The following DOP1B variants were observed in gnomAD, a reference collection of about 807,000 sequenced individuals.
DOP1B encodes the protein DOP1 leucine zipper like protein B, also known as protein DOP1B.
A neutral mutation model predicts 233.5 loss-of-function variants in DOP1B; 174 were observed. That is an observed-to-expected ratio of 0.75 (90% CI 0.66 to 0.85). The LOEUF (loss-of-function observed/expected upper bound fraction) is 0.85, where lower values mean the gene tolerates loss of function less well. DOP1B is among the 40% of genes least tolerant of loss of function. DOP1B has a pLI of 0.00. For missense variants in DOP1B, 2,652 were observed against 2,846.6 expected (o/e 0.93, Z 1.56); for synonymous variants, 1,190 against 1,185.6 (o/e 1.00, Z -0.08).
chr21:36,256,594 CAA>C (rs1601454911), intron 23 of DOP1B, among the ~76,000 whole-genome samples: 6 of 152,170 alleles, frequency 3.9e-5, no homozygotes, highest in Admixed American at 3.3e-4. Flanking sequence ...GTGCGGATAA[CAA>C]AGTGAGATCT....
rs778655145 is a variant in DOP1B, at chr21:36,246,591, G to A, written c.4611G>A (p.Thr1537=). The A allele has an allele frequency of 3.1e-6, 5 of 1,614,118 alleles. No individual in the cohort carries two copies. Among genetic ancestry groups the A allele is most frequent in the Middle Eastern group, 1.6e-4 (1 of 6,062 alleles). ...ACTTCGGAAAGTCCCTGGGCTGGAC[G>A]GTGACACCCTTTGTTGTCCAGATTT... ...LPYFGKSLGW[T]VTPFVVQICK... Residue 1537 remains threonine (T), a synonymous_variant, in exon 19 of 37, where the codon ACG becomes ACA. Transcript: ENST00000691173. This position sits in a 1 kb window ranked among gnomAD's most constrained non-coding sequence, Gnocchi z 5.1.
At chr21:36,251,092 G>C (rs2067027251) in intron 21 of DOP1B, 70 bp from the exon 22 acceptor site, 1 of 1,547,910 alleles carries the variant, frequency 6.5e-7, no homozygotes. Flanking sequence ...GACAGCAGTG[G>C]TGGTTCAATG....
chr21:36,235,863 C>CG (rs368106815), intron 15 of DOP1B, among the ~76,000 whole-genome samples: 12,070 of 112,690 alleles, frequency 0.11, 676 homozygotes, highest in Non-Finnish European at 0.12. Context: ...GCAAGGAAGT[C>CG]GGGGGGGGGG....
At chr21:36,248,243 C>T in intron 20 of DOP1B, 137 bp from the exon 21 acceptor site, 1 of 800,492 alleles carries the variant, frequency 1.2e-6, no homozygotes, top group Non-Finnish European at 2.0e-6. Flanking sequence ...CTTATTGCTC[C>T]CAGACCACCA....
intron 22 of DOP1B, 63 bp downstream of exon 22, chr21:36,251,347 A>T (rs2067031201): frequency 6.4e-7 from 1 of 1,553,850 alleles, no homozygotes; most frequent in Admixed American, 2.0e-5. Flanking sequence ...CCACAGAATC[A>T]TGTGGAATCA....
At chr21:36,172,543 A>C (rs1210847693) in intron 2 of DOP1B, among the ~76,000 whole-genome samples, 1 of 151,868 alleles carries the variant, frequency 6.6e-6, no homozygotes, top group East Asian at 2.0e-4. Context: ...CAGAAGGATC[A>C]CTTGAGCCCA....
rs761967672 is a variant in DOP1B, at chr21:36,263,614, T to C, written c.5384T>C (p.Leu1795Ser). The C allele has an allele frequency of 1.2e-6, 2 of 1,614,210 alleles. No individual in the cohort carries two copies. Among genetic ancestry groups the C allele is most frequent in the Non-Finnish European group, 8.5e-7 (1 of 1,180,042 alleles). Residue 1795 changes from leucine (L) to serine (S), a missense_variant, in exon 25 of 37, where the codon TTG becomes TCG. Coordinates refer to ENST00000691173, the MANE Select transcript of DOP1B (RefSeq NM_001320714.2). ...GGAGTATTGAAAGAGTCTGTACAGT[T>C]GAATCTAGCCCCACCTGGGTATTTT... ...LLGVLKESVQ[L>S]NLAPPGYFLL...
At chr21:36,169,633 G>T in intron 2 of DOP1B, 1 of 921,524 alleles carries the variant, frequency 1.1e-6, no homozygotes, top group Non-Finnish European at 1.8e-6. Flanking sequence ...CGTTCACTTG[G>T]ATCTCCATCA....
intron 2 of DOP1B, among the ~76,000 whole-genome samples, chr21:36,175,399 C>G (rs1245131076): frequency 6.6e-6 from 1 of 152,072 alleles, no homozygotes; most frequent in African/African-American, 2.4e-5. Context: ...GCGTGAGCCA[C>G]CACGCCTGGC....
At chr21:36,207,052 A>G (rs1601411168) in intron 4 of DOP1B, among the ~76,000 whole-genome samples, 3 of 152,326 alleles carry the variant, frequency 2.0e-5, no homozygotes, top group Admixed American at 2.0e-4. Flanking sequence ...TCGAGTGCCA[A>G]CCTGGAGTCA....
intron 2 of DOP1B, among the ~76,000 whole-genome samples, chr21:36,193,791 C>A (rs1269773450): frequency 6.6e-6 from 1 of 152,160 alleles, no homozygotes; most frequent in Non-Finnish European, 1.5e-5. Context: ...CTGATCCAAG[C>A]AACTGGTTCT....
At chr21:36,242,884 A>G (rs1469727562) in intron 18 of DOP1B, among the ~76,000 whole-genome samples, 1 of 152,002 alleles carries the variant, frequency 6.6e-6, no homozygotes, top group Non-Finnish European at 1.5e-5. Context: ...ATCTTGCTTA[A>G]TGTCCATGGC....
At chr21:36,173,381 CAGCATCATTTTT>C (rs2065990733) in intron 2 of DOP1B, among the ~76,000 whole-genome samples, 1 of 151,550 alleles carries the variant, frequency 6.6e-6, no homozygotes, top group South Asian at 2.1e-4. Flanking sequence ...CTCAATGTTT[CAGCATCATTTTT>C]AGAATTTTTC....
chr21:36,238,666 C>T lies in DOP1B; in HGVS notation c.2841C>T (p.Gly947=). The T allele has an allele frequency of 6.2e-7, 1 of 1,614,232 alleles. No homozygotes were observed. Among genetic ancestry groups the T allele is most frequent in the Non-Finnish European group, 8.5e-7 (1 of 1,180,046 alleles). ...VIWHLTREIQ[G]SRVTSHNRSF... is the part of the protein sequence containing the mutation. ...GGCATCTGACAAGAGAGATCCAAGG[C>T]AGTCGAGTAACATCTCACAATCGCT... is the stretch of plus-strand genomic sequence containing the variant. Residue 947 remains glycine (G), a synonymous_variant, in exon 17 of 37, where the codon GGC becomes GGT. Coordinates refer to ENST00000691173, the MANE Select transcript of DOP1B (RefSeq NM_001320714.2).
chr21:36,241,986 A>G (rs1422467606), intron 18 of DOP1B, among the ~76,000 whole-genome samples: 2 of 151,872 alleles, frequency 1.3e-5, no homozygotes, highest in African/African-American at 4.8e-5. Context: ...GCCCTATCAA[A>G]TAGGAAACAT....
At chr21:36,243,169 G>T (rs918625886) in intron 18 of DOP1B, among the ~76,000 whole-genome samples, 4 of 151,728 alleles carry the variant, frequency 2.6e-5, no homozygotes, top group Admixed American at 1.3e-4. Context: ...TAGTAGAGAT[G>T]GGGTTTCGCC....
chr21:36,165,950 C>T (rs1483567137), intron 2 of DOP1B, among the ~76,000 whole-genome samples: 1 of 151,246 alleles, frequency 6.6e-6, no homozygotes, highest in East Asian at 2.0e-4. Flanking sequence ...CTCCTGACCT[C>T]AAGTGATCCA....
At chr21:36,241,153 G>T (rs1021006074) in intron 18 of DOP1B, among the ~76,000 whole-genome samples, 2 of 151,926 alleles carry the variant, frequency 1.3e-5, no homozygotes, top group African/African-American at 4.8e-5. Context: ...AATAAGCCAG[G>T]CATGGTGGCA....
rs763232271 is a variant in DOP1B, at chr21:36,289,037, A to T, written c.6354-8A>T. On this transcript the variant is annotated splice_polypyrimidine_tract_variant and splice_region_variant and intron_variant, in intron 34 of 36. Coordinates refer to ENST00000691173, the MANE Select transcript of DOP1B (RefSeq NM_001320714.2). ...ATTTATAACAAGCGTTTCTTTGCAAATTTATAGAAGCACCAACAAAGTAAA... is the reference window on the plus strand; with the variant it reads ...ATTTATAACAAGCGTTTCTTTGCAATTTTATAGAAGCACCAACAAAGTAAA... 1 of 1,610,242 alleles carries T rather than the reference A, an allele frequency of 6.2e-7. No individual in the cohort carries two copies. The highest frequency in any genetic ancestry group is 1.7e-5 in the Admixed American group (1 of 58,774).
Sources: allele counts gnomAD v4.1 joint callset (sites outside exome capture counted in the v4.1 genomes callset), GRCh38; gene constraint gnomAD v4.1.1; non-coding constraint Gnocchi (gnomAD v3.1); transcripts MANE v1.5; gene names NCBI Gene and HGNC (gene_info 2026-07-23, HGNC 2026-07-21).